The following IGF2BP3 variants were observed in gnomAD, a reference collection of about 807,000 sequenced individuals.
The protein encoded by IGF2BP3 is insulin-like growth factor 2 mRNA-binding protein 3.
Under a neutral mutation model 73.8 loss-of-function variants are expected in IGF2BP3, and 9 were observed. That is an observed-to-expected ratio of 0.12 (90% CI 0.07 to 0.21). The LOEUF (loss-of-function observed/expected upper bound fraction) is 0.21, where lower values mean the gene tolerates loss of function less well. Among genes scored for constraint, IGF2BP3 ranks in the 10% least tolerant of loss-of-function variants. IGF2BP3 has a pLI of 1.00. For missense variants in IGF2BP3, 542 were observed against 714.0 expected (o/e 0.76, Z 2.75); for synonymous variants, 258 against 256.7 (o/e 1.01, Z -0.05).
intron 10 of IGF2BP3, among the ~76,000 whole-genome samples, chr7:23,323,584 C>T (rs951319294): frequency 1.3e-5 from 2 of 149,520 alleles, no homozygotes; most frequent in African/African-American, 5.1e-5. Context: ...TAGACATCTA[C>T]AGAACTCTCT....
chr7:23,342,732 G>C (rs1380051314), intron 9 of IGF2BP3, among the ~76,000 whole-genome samples: 2 of 152,156 alleles, frequency 1.3e-5, no homozygotes, highest in Non-Finnish European at 2.9e-5. Flanking sequence ...GCCAGAAAGG[G>C]TATTTTAATT....
At chr7:23,345,525 C>T (rs1784808410) in intron 8 of IGF2BP3, among the ~76,000 whole-genome samples, 1 of 152,194 alleles carries the variant, frequency 6.6e-6, no homozygotes, top group Admixed American at 6.5e-5. Flanking sequence ...TGTGAGACCC[C>T]AAGCCAGAAC....
chr7:23,361,868 G>A, intron 3 of IGF2BP3, 127 bp from the exon 4 acceptor site: 1 of 730,654 alleles, frequency 1.4e-6, no homozygotes, highest in East Asian at 2.7e-5. Context: ...TGGGGCTTTG[G>A]ACTGCAGAAC....
chr7:23,359,912 C>T (rs1013164840), intron 5 of IGF2BP3, among the ~76,000 whole-genome samples: 3 of 151,672 alleles, frequency 2.0e-5, no homozygotes, highest in African/African-American at 7.3e-5. Context: ...ATGACTCATA[C>T]CACAATTTCT....
chr7:23,434,567 C>G (rs1787763792), intron 2 of IGF2BP3, among the ~76,000 whole-genome samples: 1 of 152,180 alleles, frequency 6.6e-6, no homozygotes, highest in Admixed American at 6.6e-5. Flanking sequence ...TCCAATGTAT[C>G]AACAAAACAA....
intron 10 of IGF2BP3, among the ~76,000 whole-genome samples, chr7:23,325,386 A>C (rs1295176758): frequency 6.6e-6 from 1 of 152,210 alleles, no homozygotes; most frequent in Non-Finnish European, 1.5e-5. Flanking sequence ...GACCTCTTCA[A>C]GGAGAACTAC....
intron 3 of IGF2BP3, among the ~76,000 whole-genome samples, chr7:23,367,060 C>A (rs1048445082): frequency 6.7e-6 from 1 of 149,426 alleles, no homozygotes; most frequent in Admixed American, 6.7e-5. Context: ...CTCACTGCAA[C>A]CTCCGCCTCC....
chr7:23,380,925 A>G (rs1286644859), intron 3 of IGF2BP3, among the ~76,000 whole-genome samples: 1 of 152,220 alleles, frequency 6.6e-6, no homozygotes, highest in Non-Finnish European at 1.5e-5. Flanking sequence ...GTTTGTGGAA[A>G]TTAGTTACAG....
At chr7:23,314,909 T>C (rs1478538515) in intron 12 of IGF2BP3, among the ~76,000 whole-genome samples, 1 of 152,090 alleles carries the variant, frequency 6.6e-6, no homozygotes, top group African/African-American at 2.4e-5. Flanking sequence ...GCCATTCTCC[T>C]GCCTCAGCCT....
chr7:23,432,962 C>A (rs1787722958), intron 2 of IGF2BP3, among the ~76,000 whole-genome samples: 2 of 152,124 alleles, frequency 1.3e-5, no homozygotes. Context: ...AAAAAGTCAC[C>A]ACCAGTATTA....
At chr7:23,415,556 A>G (rs541147592) in intron 3 of IGF2BP3, 125 of 270,640 alleles carry the variant, frequency 4.6e-4, no homozygotes, top group African/African-American at 2.8e-3. Flanking sequence ...CCGCATCCGC[A>G]GGTCCCTGTC....
At chr7:23,353,655 A>G (rs1785021489) in intron 5 of IGF2BP3, among the ~76,000 whole-genome samples, 1 of 152,194 alleles carries the variant, frequency 6.6e-6, no homozygotes, top group Non-Finnish European at 1.5e-5. Flanking sequence ...TGTGATGTAC[A>G]CTGCTCTGTG....
intron 3 of IGF2BP3, among the ~76,000 whole-genome samples, chr7:23,399,822 G>GT (rs901715262): frequency 1.3e-5 from 2 of 152,102 alleles, no homozygotes; most frequent in African/African-American, 4.8e-5. Flanking sequence ...TAGATGGGGG[G>GT]TTCAGTATAC....
At chr7:23,336,459 T>A (rs190672447) in intron 10 of IGF2BP3, among the ~76,000 whole-genome samples, 1,546 of 151,830 alleles carry the variant, frequency 0.01, 28 homozygotes, top group African/African-American at 0.035. Context: ...TTTTTTTTTT[T>A]AAATAACATC....
chr7:23,445,894 C>A (rs918737095), intron 2 of IGF2BP3, among the ~76,000 whole-genome samples: 6 of 151,910 alleles, frequency 3.9e-5, no homozygotes, highest in African/African-American at 4.8e-5. Context: ...TAAGATATCC[C>A]CAGAAAAGTA....
At chr7:23,386,370 A>G (rs753590430) in intron 3 of IGF2BP3, among the ~76,000 whole-genome samples, 1 of 152,170 alleles carries the variant, frequency 6.6e-6, no homozygotes, top group Non-Finnish European at 1.5e-5. Context: ...GATAATCCTG[A>G]AATATCTTGT....
chr7:23,436,448 G>C (rs1408260118), intron 2 of IGF2BP3, among the ~76,000 whole-genome samples: 1 of 152,184 alleles, frequency 6.6e-6, no homozygotes, highest in East Asian at 1.9e-4. Context: ...ATCAGTATAG[G>C]AGGATTTATT....
chr7:23,460,084 T>G (rs1326644801), intron 2 of IGF2BP3, among the ~76,000 whole-genome samples: 1 of 129,036 alleles, frequency 7.7e-6, no homozygotes, highest in South Asian at 2.5e-4. Flanking sequence ...AAAAAAAAAA[T>G]TAGCCAGACG....
intron 2 of IGF2BP3, among the ~76,000 whole-genome samples, chr7:23,453,107 G>T (rs983759418): frequency 1.3e-5 from 2 of 152,164 alleles, no homozygotes; most frequent in Non-Finnish European, 2.9e-5. Flanking sequence ...CAGCCTGGGT[G>T]ACAGAGCGAG....
Sources: allele counts gnomAD v4.1 joint callset (sites outside exome capture counted in the v4.1 genomes callset), GRCh38; gene constraint gnomAD v4.1.1; transcripts MANE v1.5; gene names NCBI Gene and HGNC (gene_info 2026-07-23, HGNC 2026-07-21).